Variants in TCF12 observed in about 807,000 individuals in gnomAD.
TCF12 encodes DNA-binding protein HTF4.
TCF12 carries 45 observed loss-of-function variants against 86.0 expected under a neutral mutation model. The observed-to-expected ratio is 0.52, with a 90% CI of 0.41 to 0.67. TCF12 has a LOEUF of 0.67. Ranked by LOEUF, TCF12 falls within the 30% of genes least tolerant of loss-of-function variation. TCF12 has a pLI of 0.00. For missense variants in TCF12, 881 were observed against 859.9 expected (o/e 1.02, Z -0.31); for synonymous variants, 330 against 299.6 (o/e 1.10, Z -1.05).
chr15:56,920,945 G>A lies in TCF12; in HGVS notation c.76-81G>A. On this transcript the variant is annotated intron_variant, in intron 2 of 20. Coordinates refer to ENST00000333725, the MANE Select transcript of TCF12 (RefSeq NM_207037.2). ...TTCCCTCTGAAATTTAATAACTGATGGATGACTTTTGGTGGACTTTTGTTT... is the reference window on the plus strand; with the variant it reads ...TTCCCTCTGAAATTTAATAACTGATAGATGACTTTTGGTGGACTTTTGTTT... 5 of 1,066,556 alleles carry A rather than the reference G, an allele frequency of 4.7e-6. No individual in the cohort carries two copies. The South Asian group carries it at 1.1e-4, about 23-fold the overall frequency. The allele number at this position is 1,066,556 out of a possible 1,614,324, so 66.1% of individuals were successfully genotyped here. A position where few individuals can be genotyped will look rare whatever the true frequency, so the allele number is the denominator to read the frequency against.
intron 4 of TCF12, among the ~76,000 whole-genome samples, chr15:57,083,144 T>TA (rs1464893742): frequency 1.2e-4 from 18 of 152,298 alleles, no homozygotes; most frequent in Admixed American, 2.6e-4. Flanking sequence ...GTGAAAATGA[T>TA]AAAAAACAAA....
intron 5 of TCF12, among the ~76,000 whole-genome samples, chr15:57,155,584 C>T (rs1434954219): frequency 6.6e-6 from 1 of 152,112 alleles, no homozygotes; most frequent in Non-Finnish European, 1.5e-5. Context: ...GACTTGAGGC[C>T]AGGAGTTCAA....
intron 4 of TCF12, among the ~76,000 whole-genome samples, chr15:57,083,782 G>A (rs959960522): frequency 2.6e-5 from 4 of 151,912 alleles, no homozygotes; most frequent in East Asian, 3.9e-4. Flanking sequence ...CCAGAGTCTC[G>A]CTATGTTGCC....
intron 3 of TCF12, among the ~76,000 whole-genome samples, chr15:57,044,593 CT>C (rs2067109393): frequency 1.3e-5 from 2 of 151,908 alleles, no homozygotes; most frequent in Admixed American, 6.6e-5. Context: ...TCTTTTCTAA[CT>C]ATTGTAATTT....
At chr15:57,137,635 A>AT (rs1326464774) in intron 5 of TCF12, among the ~76,000 whole-genome samples, 2 of 152,238 alleles carry the variant, frequency 1.3e-5, no homozygotes, top group South Asian at 2.1e-4. Context: ...TGCTATCTAG[A>AT]TTTTTTTCAC....
rs200411603 is a variant in TCF12 at position 57,046,627 on chromosome 15, A to AT, written c.149-17114dup. On this transcript the variant is annotated intron_variant, in intron 3 of 20. Transcript: ENST00000333725. Reference sequence around the variant, plus strand: ...CCACTTAATTTTTGTATGTTTTTTGATTTTTTTTTAGCAGAGATGGGTTTC... The same window carrying AT: ...CCACTTAATTTTTGTATGTTTTTTGATTTTTTTTTTAGCAGAGATGGGTTTC... 2.7e-3 allele frequency among the ~76,000 whole-genome samples: 407 copies of AT among 150,578 alleles called. 3 individuals are homozygous for AT. Among genetic ancestry groups the AT allele is most frequent in the East Asian group, 0.02 (102 of 5,124 alleles).
intron 5 of TCF12, among the ~76,000 whole-genome samples, chr15:57,141,563 G>A (rs142273621): frequency 2.6e-5 from 4 of 152,174 alleles, no homozygotes; most frequent in African/African-American, 9.6e-5. Flanking sequence ...TAGTCGGGCT[G>A]GTCTCAAACT....
At position 56,953,910 on chromosome 15, in the gene TCF12, A is replaced by G. The variant is rs1320558498; in HGVS notation, c.148+32812A>G. Among the ~76,000 whole-genome samples the G allele has an allele frequency of 5.5e-5, 5 of 91,316 alleles. No homozygotes were observed. The South Asian group carries it at 1.2e-3, about 22-fold the overall frequency. 59.9% of individuals were successfully genotyped at this position (91,316 alleles called of 152,430 possible). ...TTTTTTTTTCTCTATTTTTTCCCCC[A>G]TTTCTTTGACTTCTGCTGTGACTTT... is the stretch of plus-strand genomic sequence containing the variant. On this transcript the variant is annotated intron_variant, in intron 3 of 20. Transcript: ENST00000333725.
intron 3 of TCF12, among the ~76,000 whole-genome samples, chr15:56,973,421 A>G (rs770964033): frequency 1.3e-5 from 2 of 152,142 alleles, no homozygotes; most frequent in Non-Finnish European, 1.5e-5. Flanking sequence ...TATCTGTGCT[A>G]CTGTCAGCAT....
chr15:57,182,149 A>ATATT, intron 6 of TCF12, among the ~76,000 whole-genome samples: 1 of 152,318 alleles, frequency 6.6e-6, no homozygotes. Context: ...CTCCAGGACA[A>ATATT]GATCAGTAGT....
At chr15:56,971,268 A>G (rs1472244029) in intron 3 of TCF12, among the ~76,000 whole-genome samples, 2 of 146,350 alleles carry the variant, frequency 1.4e-5, no homozygotes, top group Non-Finnish European at 3.0e-5. Flanking sequence ...CACTAAAAAC[A>G]AAAAAAAAAA....
At chr15:57,214,068 A>G (rs1188576711) in intron 8 of TCF12, 1 of 152,210 alleles carries the variant, frequency 6.6e-6, no homozygotes, top group Non-Finnish European at 1.5e-5. Context: ...TTCAAGTGGT[A>G]AATGAGAAGT....
At chr15:57,122,596 A>T (rs1158705358) in intron 5 of TCF12, among the ~76,000 whole-genome samples, 1 of 152,240 alleles carries the variant, frequency 6.6e-6, no homozygotes, top group Non-Finnish European at 1.5e-5. Flanking sequence ...CTCTGACTCC[A>T]AAGTACATGT....
At chr15:57,245,196 T>C (rs1472383214) in intron 13 of TCF12, among the ~76,000 whole-genome samples, 2 of 152,244 alleles carry the variant, frequency 1.3e-5, no homozygotes, top group Admixed American at 1.3e-4. Flanking sequence ...GTATTAGCCT[T>C]GTGGCTCTAC....
intron 6 of TCF12, among the ~76,000 whole-genome samples, chr15:57,183,376 T>A (rs1206085087): frequency 1.3e-5 from 2 of 152,222 alleles, no homozygotes; most frequent in African/African-American, 4.8e-5. Flanking sequence ...GACATTTTCC[T>A]ATTTATTCTT....
At chr15:57,237,072 T>C (rs2059410597) in intron 12 of TCF12, among the ~76,000 whole-genome samples, 1 of 152,180 alleles carries the variant, frequency 6.6e-6, no homozygotes, top group Admixed American at 6.5e-5. Flanking sequence ...TTTAACTTTG[T>C]TGATTATATC....
chr15:57,285,643 T>C (rs1361587054), intron 20 of TCF12, among the ~76,000 whole-genome samples: 1 of 152,228 alleles, frequency 6.6e-6, no homozygotes, highest in Non-Finnish European at 1.5e-5. Flanking sequence ...GAGGAATGAA[T>C]GAGTAGCACC....
intron 3 of TCF12, among the ~76,000 whole-genome samples, chr15:57,010,413 T>C (rs2064754812): frequency 6.6e-6 from 1 of 152,098 alleles, no homozygotes; most frequent in African/African-American, 2.4e-5. Flanking sequence ...GCAGCCTATC[T>C]TTAAGTTAAA....
At chr15:56,952,027 C>T (rs1026162692) in intron 3 of TCF12, among the ~76,000 whole-genome samples, 3 of 151,996 alleles carry the variant, frequency 2.0e-5, no homozygotes, top group South Asian at 2.1e-4. Flanking sequence ...TATGGTGTGA[C>T]GTATGGATTG....
Sources: allele counts gnomAD v4.1 joint callset (sites outside exome capture counted in the v4.1 genomes callset), GRCh38; gene constraint gnomAD v4.1.1; transcripts MANE v1.5; gene names NCBI Gene and HGNC (gene_info 2026-07-23, HGNC 2026-07-21).